Variants in ARHGEF3 observed in about 807,000 individuals in gnomAD.
ARHGEF3 encodes 59.8 kDA protein.
ARHGEF3 carries 28 observed loss-of-function variants against 63.2 expected under a neutral mutation model. That is an observed-to-expected ratio of 0.44 (90% CI 0.33 to 0.61). The LOEUF is 0.61. Ranked by LOEUF, ARHGEF3 falls within the 20% of genes least tolerant of loss-of-function variation. The pLI is 0.03. For missense variants in ARHGEF3, 533 were observed against 659.3 expected, an observed-to-expected ratio of 0.81 and a Z score of 2.10; for synonymous variants, 266 against 254.2, an observed-to-expected ratio of 1.05 and a Z score of -0.44.
chr3:56,746,917 C>T (rs1230205414), intron 6 of ARHGEF3, among the ~76,000 whole-genome samples: 1 of 152,106 alleles, frequency 6.6e-6, no homozygotes, highest in East Asian at 1.9e-4. Flanking sequence ...TTTGAAATGT[C>T]TACCTTCCTT....
chr3:56,895,255 A>G (rs1446503219), intron 3 of ARHGEF3, among the ~76,000 whole-genome samples: 1 of 152,146 alleles, frequency 6.6e-6, no homozygotes, highest in African/African-American at 2.4e-5. Context: ...TCTACGGACT[A>G]TCGCCAAGAG....
intron 4 of ARHGEF3, among the ~76,000 whole-genome samples, chr3:56,823,118 T>C (rs920451750): frequency 7.9e-5 from 12 of 152,212 alleles, no homozygotes; most frequent in African/African-American, 2.9e-4. Context: ...TCCAATGACC[T>C]CTGCTAGGAA....
At chr3:56,890,366 G>A (rs938731552) in intron 3 of ARHGEF3, among the ~76,000 whole-genome samples, 2 of 152,140 alleles carry the variant, frequency 1.3e-5, no homozygotes, top group African/African-American at 4.8e-5. Flanking sequence ...TCCATCATGG[G>A]GTTATTTCAA....
chr3:57,006,531 G>A (rs1472979192), intron 2 of ARHGEF3, among the ~76,000 whole-genome samples: 1 of 152,144 alleles, frequency 6.6e-6, no homozygotes, highest in African/African-American at 2.4e-5. Context: ...CTGACAGGCA[G>A]CATCCGGGGT....
At position 56,728,993 on chromosome 3, in the gene ARHGEF3, C is replaced by T; in HGVS notation, c.*277G>A. The T allele has an allele frequency of 3.0e-6, 1 of 331,232 alleles. No homozygotes were observed. Among genetic ancestry groups the T allele is most frequent in the Non-Finnish European group, 5.5e-6 (1 of 182,532 alleles). The allele number at this position is 331,232 out of a possible 1,614,324, so 20.5% of individuals were successfully genotyped here. Reference sequence around the variant, plus strand: ...ATTCTTTTTCTATTTTTTTAAAATCCAGCAGGACAACTGAAAGTAACTTGT... The same window carrying T: ...ATTCTTTTTCTATTTTTTTAAAATCTAGCAGGACAACTGAAAGTAACTTGT... On this transcript the variant is annotated 3_prime_UTR_variant, in exon 10 of 10. Coordinates refer to ENST00000296315, the MANE Select transcript of ARHGEF3 (RefSeq NM_019555.3).
intron 7 of ARHGEF3, among the ~76,000 whole-genome samples, chr3:56,740,552 CTG>C (rs1437189628): frequency 6.6e-6 from 1 of 152,146 alleles, no homozygotes; most frequent in Non-Finnish European, 1.5e-5. Context: ...ATTACTTTAA[CTG>C]TTTATTGAGA....
intron 3 of ARHGEF3, among the ~76,000 whole-genome samples, chr3:56,946,533 G>A (rs1030451352): frequency 6.6e-6 from 1 of 152,160 alleles, no homozygotes; most frequent in Non-Finnish European, 1.5e-5. Context: ...ATCAGTGATG[G>A]AACATCAAAT....
At chr3:56,874,446 T>C (rs2108233205) in intron 4 of ARHGEF3, among the ~76,000 whole-genome samples, 1 of 152,074 alleles carries the variant, frequency 6.6e-6, no homozygotes, top group African/African-American at 2.4e-5. Flanking sequence ...ACCACAGAAA[T>C]GGTATCTTTT....
At position 57,059,513 on chromosome 3, in the gene ARHGEF3, G is replaced by C. The variant is rs1385313449; in HGVS notation, c.-28+19713C>G. 3.2e-5 allele frequency among the ~76,000 whole-genome samples: 4 copies of C among 125,586 alleles called. No individual in the cohort carries two copies. In the East Asian group the frequency reaches 8.7e-4, roughly 27 times the overall value. 82.4% of individuals were successfully genotyped at this position (125,586 alleles called of 152,430 possible). On this transcript the variant is annotated intron_variant, in intron 1 of 12. Coordinates refer to the ARHGEF3 transcript ENST00000338458. ...CCCCGTGTGTGTATGAGTTGGGGGT[G>C]GGGGGAGGGAGGGTGGTGAGCAGCA...
intron 3 of ARHGEF3, among the ~76,000 whole-genome samples, chr3:56,933,787 T>C (rs2042475127): frequency 6.6e-6 from 1 of 152,224 alleles, no homozygotes; most frequent in Non-Finnish European, 1.5e-5. Context: ...TGATATGGTC[T>C]GACTCTGTGT....
chr3:56,829,585 G>C (rs1370277719), intron 4 of ARHGEF3, among the ~76,000 whole-genome samples: 1 of 152,156 alleles, frequency 6.6e-6, no homozygotes, highest in African/African-American at 2.4e-5. Flanking sequence ...GCCTCCCGAA[G>C]AACATCTGCC....
intron 6 of ARHGEF3, among the ~76,000 whole-genome samples, chr3:56,747,213 C>T (rs2034443884): frequency 6.6e-6 from 1 of 152,092 alleles, no homozygotes; most frequent in East Asian, 1.9e-4. Flanking sequence ...CTGGAAATGC[C>T]CAATGTTTTC....
At chr3:57,021,635 C>T (rs1032399208) in intron 2 of ARHGEF3, among the ~76,000 whole-genome samples, 2 of 151,956 alleles carry the variant, frequency 1.3e-5, no homozygotes, top group Non-Finnish European at 2.9e-5. Context: ...TGCCTGTAAC[C>T]CCAGCTACTT....
intron 1 of ARHGEF3, among the ~76,000 whole-genome samples, chr3:56,787,684 C>T (rs1032208882): frequency 2.0e-5 from 3 of 151,830 alleles, no homozygotes; most frequent in African/African-American, 7.3e-5. Context: ...CCCGCCACCC[C>T]GACACTGGCT....
At chr3:56,967,789 T>C (rs1700628094) in intron 2 of ARHGEF3, among the ~76,000 whole-genome samples, 2 of 67,350 alleles carry the variant, frequency 3.0e-5, no homozygotes, top group African/African-American at 6.0e-5. Context: ...TATATGATTA[T>C]ATATTACATA....
chr3:56,865,249 A>G (rs1244885396), intron 4 of ARHGEF3, among the ~76,000 whole-genome samples: 1 of 152,202 alleles, frequency 6.6e-6, no homozygotes, highest in East Asian at 1.9e-4. Flanking sequence ...CAAGGCACAT[A>G]ACAAAACTTA....
intron 1 of ARHGEF3, among the ~76,000 whole-genome samples, chr3:57,045,401 C>G (rs563532041): frequency 8.5e-5 from 13 of 152,232 alleles, no homozygotes; most frequent in Non-Finnish European, 1.6e-4. Flanking sequence ...ATGGAGGACC[C>G]AAAGGTAGGA....
At chr3:56,985,378 C>T (rs1376625026) in intron 2 of ARHGEF3, among the ~76,000 whole-genome samples, 1 of 152,322 alleles carries the variant, frequency 6.6e-6, no homozygotes, top group East Asian at 1.9e-4. Context: ...CGTGAGCCAC[C>T]GCGCCCAGCC....
At chr3:56,867,098 G>C (rs765328277) in intron 4 of ARHGEF3, among the ~76,000 whole-genome samples, 3 of 152,256 alleles carry the variant, frequency 2.0e-5, no homozygotes, top group Middle Eastern at 6.8e-3. Flanking sequence ...TGTTGTACTG[G>C]TTTTCTTTAA....
Sources: allele counts gnomAD v4.1 joint callset (sites outside exome capture counted in the v4.1 genomes callset), GRCh38; gene constraint gnomAD v4.1.1; transcripts MANE v1.5; gene names NCBI Gene and HGNC (gene_info 2026-07-23, HGNC 2026-07-21).